Variants in ATP8B3 observed in about 807,000 individuals in gnomAD.
ATP8B3 encodes the protein phospholipid-transporting ATPase IK.
Under a neutral mutation model 140.9 loss-of-function variants are expected in ATP8B3, and 141 were observed. That is an observed-to-expected ratio of 1.00 (90% CI 0.87 to 1.15). ATP8B3 has a LOEUF of 1.15. Ranked by LOEUF, ATP8B3 falls within the 50% of genes most tolerant of loss-of-function variation. The pLI is 0.00. For missense variants in ATP8B3, 1,874 were observed against 1,740.6 expected (o/e 1.08, Z -1.36); for synonymous variants, 765 against 714.6 (o/e 1.07, Z -1.13).
intron 25 of ATP8B3, among the ~76,000 whole-genome samples, chr19:1,786,757 C>G (rs951247587): frequency 7.1e-6 from 1 of 141,496 alleles, no homozygotes; most frequent in Admixed American, 7.0e-5. Context: ...AACCCCAGAT[C>G]ACGTAGCCAG....
At chr19:1,811,926 C>T in intron 1 of ATP8B3, 42 bp from the exon 2 acceptor site, 1 of 656,610 alleles carries the variant, frequency 1.5e-6, no homozygotes, top group South Asian at 2.3e-5. Flanking sequence ...TGGCTTCCTG[C>T]CCCCTCACTA....
chr19:1,806,094 C>T lies in ATP8B3; in HGVS notation c.750+3G>A, dbSNP rs758296606. 6.2e-7 allele frequency: 1 copy of T among 1,601,786 alleles called. No homozygotes were observed. The highest frequency in any genetic ancestry group is 8.5e-7 in the Non-Finnish European group (1 of 1,174,696). On this transcript the variant is annotated splice_donor_region_variant and intron_variant, in intron 8 of 28. Transcript: ENST00000310127. This position sits in a 1 kb window ranked among gnomAD's most constrained non-coding sequence, Gnocchi z 5.6. ...TGGGACCTCGGGGTCAACCCCAGCT[C>T]ACTGGGACGATGTTGTCCTTGCGGA...
chr19:1,810,540 A>C, intron 3 of ATP8B3, 82 bp downstream of exon 3: 1 of 1,393,538 alleles, frequency 7.2e-7, no homozygotes, highest in East Asian at 2.6e-5. Flanking sequence ...CCGGGATTAC[A>C]GGGGAGAGCC....
chr19:1,804,677 G>A (rs1202615012), intron 10 of ATP8B3, among the ~76,000 whole-genome samples: 2 of 151,854 alleles, frequency 1.3e-5, no homozygotes, highest in Non-Finnish European at 2.9e-5. Flanking sequence ...GTGGTGGCAC[G>A]CACCTGTAAT....
At position 1,784,900 on chromosome 19, in the gene ATP8B3, G is replaced by A; in HGVS notation, c.3579C>T (p.Val1193=). The A allele has an allele frequency of 1.2e-6, 2 of 1,613,280 alleles. No homozygotes were observed. The highest frequency in any genetic ancestry group is 1.7e-6 in the Non-Finnish European group (2 of 1,179,710). Residue 1193 remains valine, a synonymous_variant, in exon 28 of 29, where the codon GTC becomes GTT. Coordinates refer to ENST00000310127, the MANE Select transcript of ATP8B3 (RefSeq NM_138813.4). ...VMSSPSILLV[V]LLSVSINTFP... is the part of the protein sequence containing the mutation. ...AGGTGTTTATGGACACACTCAGCAGGACCACCAGCAGGATGGAGGGAGAGG... is the reference window on the plus strand; with the variant it reads ...AGGTGTTTATGGACACACTCAGCAGAACCACCAGCAGGATGGAGGGAGAGG...
At chr19:1,785,332 A>G (rs1209205320) in intron 26 of ATP8B3, 35 bp from the exon 27 acceptor site, 2 of 1,564,720 alleles carry the variant, frequency 1.3e-6, no homozygotes, top group Non-Finnish European at 1.7e-6. Context: ...TCCGGGGCCT[A>G]GCGGGGCTTG....
At position 1,805,912 on chromosome 19, in the gene ATP8B3, T is replaced by C; in HGVS notation, c.797A>G (p.Tyr266Cys). ...CCCGTCAATGTCCACCGTCTCCACA[T>C]AGCACAGGCTGCTGGGCTCCGTGCT... ...LASTEPSSLC[Y>C]VETVDIDGET... Residue 266 changes from tyrosine to cysteine, a missense_variant, in exon 9 of 29, where the codon TAT becomes TGT. Transcript: ENST00000310127. The surrounding 1 kb of genome is among the most constrained non-coding windows in gnomAD (Gnocchi z 5.2). The C allele has an allele frequency of 6.2e-7, 1 of 1,612,818 alleles. No homozygotes were observed. The highest frequency in any genetic ancestry group is 8.5e-7 in the Non-Finnish European group (1 of 1,179,814).
In ATP8B3 at chr19:1,805,749, G is replaced by A. The variant is rs888126408; in HGVS notation, c.821+139C>T. 6.2e-5 allele frequency: 63 copies of A among 1,014,300 alleles called. No individual in the cohort carries two copies. In the East Asian group the frequency reaches 8.3e-4, roughly 13 times the overall value. 62.8% of individuals were successfully genotyped at this position (1,014,300 alleles called of 1,614,324 possible). ...CCCCTCAGTGCCTGGCAGCACCCAC[G>A]CCCCAGACACTCATGGGGTGAGTGA... On this transcript the variant is annotated intron_variant, in intron 9 of 28. Transcript: ENST00000310127. The surrounding 1 kb of genome is among the most constrained non-coding windows in gnomAD (Gnocchi z 5.2).
In ATP8B3 at chr19:1,785,446, G is replaced by A. The variant is rs182165083; in HGVS notation, c.3393+23C>T. 9.3e-5 allele frequency: 150 copies of A among 1,609,000 alleles called. No homozygotes were observed. In the East Asian group the frequency reaches 2.9e-3, roughly 31 times the overall value. ...CTCCATAGGCCATGTCCAAGGCCCCGGGGAGGTGAGGACCTTGCCCACCTC... is the reference window on the plus strand; with the variant it reads ...CTCCATAGGCCATGTCCAAGGCCCCAGGGAGGTGAGGACCTTGCCCACCTC... On this transcript the variant is annotated intron_variant, in intron 26 of 28. Transcript: ENST00000310127.
chr19:1,811,993 G>GC, intron 1 of ATP8B3, 109 bp from the exon 2 acceptor site: 1 of 529,340 alleles, frequency 1.9e-6, no homozygotes, highest in Non-Finnish European at 3.3e-6. Flanking sequence ...AGCCGCAGGG[G>GC]CACAGGACCG....
chr19:1,786,868 C>G (rs1174593939), intron 25 of ATP8B3, among the ~76,000 whole-genome samples: 2 of 152,180 alleles, frequency 1.3e-5, no homozygotes, highest in East Asian at 3.9e-4. Context: ...GGGGCTCCAG[C>G]ACAGGGTGGG....
At chr19:1,796,034 C>T (rs768514866) in intron 17 of ATP8B3, 43 bp downstream of exon 17, 7 of 1,611,400 alleles carry the variant, frequency 4.3e-6, no homozygotes, top group Middle Eastern at 1.7e-4. Flanking sequence ...CCCGTCTGCC[C>T]GCCCCACCTT....
At position 1,785,160 on chromosome 19, in the gene ATP8B3, C is replaced by T. The variant is rs1226603455; in HGVS notation, c.3531G>A (p.Leu1177=). The T allele has an allele frequency of 1.9e-6, 3 of 1,566,688 alleles. No homozygotes were observed. The highest frequency in any genetic ancestry group is 2.6e-6 in the Non-Finnish European group (3 of 1,157,672). ...TCCCACTTCCCCATGGGGGCTCACA[C>T]AGAAACGGGAAGGTCGTGGGGGATA... ...FRVSPTTFPF[L]YADLSVMSSP... The change falls in exon 27 of 29, where the codon CTG becomes CTA. Residue 1177 remains leucine (L), a splice_region_variant and synonymous_variant. Transcript: ENST00000310127.
chr19:1,812,052 C>T (rs2069204623), intron 1 of ATP8B3, 134 bp downstream of exon 1: 3 of 300,080 alleles, frequency 1.0e-5, no homozygotes, highest in South Asian at 1.0e-4. Flanking sequence ...CGCCCCGGGG[C>T]CCCGACCGCG....
At position 1,790,855 on chromosome 19, in the gene ATP8B3, G is replaced by T. The variant is rs751583442; in HGVS notation, c.2303-23C>A. On this transcript the variant is annotated intron_variant, in intron 20 of 28. Transcript: ENST00000310127. ...TTTCTGCGAAGCAGACCAGCTCAGC[G>T]CCTCTGCGACCCGCCCCGCACTGGC... The T allele has an allele frequency of 6.3e-6, 10 of 1,575,590 alleles. No homozygotes were observed. The East Asian group carries it at 2.3e-4, about 37-fold the overall frequency.
At chr19:1,802,305 C>A (rs1329999406) in intron 11 of ATP8B3, among the ~76,000 whole-genome samples, 182 bp downstream of exon 11, 1 of 12,824 alleles carries the variant, frequency 7.8e-5, no homozygotes. Context: ...ATCCAGGCAC[C>A]CACCCACCCA....
Position 1,811,807 on chromosome 19 carries a change from G to A in ATP8B3, c.-71C>T. ...GCTGTGGGACGGGGGAGAGGTGGGG[G>A]AGACCCCCGTGGGGGCAGACTGGGG... On this transcript the variant is annotated 5_prime_UTR_variant, in exon 2 of 29. Transcript: ENST00000310127. 1 of 1,476,656 alleles carries A rather than the reference G, an allele frequency of 6.8e-7. No homozygotes were observed. The highest frequency in any genetic ancestry group is 9.0e-7 in the Non-Finnish European group (1 of 1,112,936). The allele number at this position is 1,476,656 out of a possible 1,614,324, so 91.5% of individuals were successfully genotyped here.
Position 1,805,433 on chromosome 19 carries a change from T to G in ATP8B3, c.845A>C (p.Gln282Pro). Residue 282 changes from glutamine to proline, a missense_variant, in exon 10 of 29, where the codon CAG (glutamine) becomes CCG (proline). Coordinates refer to ENST00000310127, the MANE Select transcript of ATP8B3 (RefSeq NM_138813.4). The surrounding 1 kb of genome is among the most constrained non-coding windows in gnomAD (Gnocchi z 5.2). Reference sequence around the variant, plus strand: ...TTCTTTGTGGGTGACCATCAGGGCCTGTCTGAACTTCAAGTTGGTCTCCCT... The same window carrying G: ...TTCTTTGTGGGTGACCATCAGGGCCGGTCTGAACTTCAAGTTGGTCTCCCT... ...IDGETNLKFR[Q>P]ALMVTHKELA... 1 of 1,565,032 alleles carries G rather than the reference T, an allele frequency of 6.4e-7. No homozygotes were observed. The highest frequency in any genetic ancestry group is 1.2e-5 in the South Asian group (1 of 85,182).
In ATP8B3 at chr19:1,808,309, G is replaced by A. The variant is rs2069089352; in HGVS notation, c.429C>T (p.Tyr143=). 6.2e-7 allele frequency: 1 copy of A among 1,612,752 alleles called. No individual in the cohort carries two copies. Among genetic ancestry groups the A allele is most frequent in the African/African-American group, 1.3e-5 (1 of 75,046 alleles). Residue 143 remains tyrosine, a synonymous_variant, in exon 5 of 29, where the codon TAC becomes TAT. Transcript: ENST00000310127. The part of the protein sequence containing the change: ...YKTNVIRTAK[Y]NFYSFLPLNL... ...TCAGCGGCAGGAACGAGTAGAAGTT[G>A]TACTTGGCCGTGCGGATGACATTGG...
Sources: allele counts gnomAD v4.1 joint callset (sites outside exome capture counted in the v4.1 genomes callset), GRCh38; gene constraint gnomAD v4.1.1; non-coding constraint Gnocchi (gnomAD v3.1); transcripts MANE v1.5; gene names NCBI Gene and HGNC (gene_info 2026-07-23, HGNC 2026-07-21).